The following CLNK variants were observed in gnomAD, a reference collection of about 807,000 sequenced individuals.
CLNK encodes the protein cytokine-dependent hematopoietic cell linker.
CLNK carries 74 observed loss-of-function variants against 68.6 expected under a neutral mutation model. The observed-to-expected ratio is 1.08, with a 90% CI of 0.89 to 1.31. CLNK has a LOEUF of 1.31. Ranked by LOEUF, CLNK falls within the 50% of genes most tolerant of loss-of-function variation. The pLI is 0.00. For missense variants in CLNK, 553 were observed against 515.3 expected (o/e 1.07, Z -0.71); for synonymous variants, 198 against 172.2 (o/e 1.15, Z -1.17).
intron 13 of CLNK, 149 bp downstream of exon 13, chr4:10,527,927 A>T: frequency 2.6e-6 from 1 of 380,094 alleles, no homozygotes; most frequent in Non-Finnish European, 4.7e-6. Flanking sequence ...ATGTGTGTGC[A>T]TCAGGATCAC....
chr4:10,602,972 C>T (rs895579552), intron 2 of CLNK, among the ~76,000 whole-genome samples: 19 of 152,182 alleles, frequency 1.2e-4, no homozygotes, highest in African/African-American at 4.1e-4. Context: ...AAGCCTACTC[C>T]GAGAGTTAAA....
intron 2 of CLNK, among the ~76,000 whole-genome samples, chr4:10,667,137 A>G (rs984961712): frequency 6.6e-6 from 1 of 152,200 alleles, no homozygotes; most frequent in Admixed American, 6.5e-5. Context: ...GTAAAATGAC[A>G]GGGCAAGGGA....
In CLNK at chr4:10,508,153, G is replaced by A. The variant is rs184917313; in HGVS notation, c.907-117C>T. On this transcript the variant is annotated intron_variant, in intron 16 of 18. Transcript: ENST00000226951. The stretch of plus-strand genomic sequence containing the variant: ...GTGCCTAATCATAGTGTAATCTGTA[G>A]TAGATATTCAGTACCTAACATTTAG... 3.9e-5 allele frequency: 28 copies of A among 718,390 alleles called. No individual in the cohort carries two copies. The East Asian group carries it at 7.7e-4, about 20-fold the overall frequency. The allele number at this position is 718,390 out of a possible 1,614,324, so 44.5% of individuals were successfully genotyped here. A position where few individuals can be genotyped will look rare whatever the true frequency, so the allele number is the denominator to read the frequency against.
intron 4 of CLNK, among the ~76,000 whole-genome samples, chr4:10,576,021 C>T (rs896772253): frequency 6.6e-6 from 1 of 152,206 alleles, no homozygotes; most frequent in African/African-American, 2.4e-5. Context: ...CGTCAGGCTC[C>T]TGATGGCTCC....
At chr4:10,655,851 G>A (rs1246278709) in intron 2 of CLNK, among the ~76,000 whole-genome samples, 1 of 151,748 alleles carries the variant, frequency 6.6e-6, no homozygotes, top group Non-Finnish European at 1.5e-5. Flanking sequence ...GGGTTTCACC[G>A]TGTTAGCCAG....
intron 11 of CLNK, among the ~76,000 whole-genome samples, chr4:10,536,990 A>G (rs1718784749): frequency 6.6e-6 from 1 of 152,146 alleles, no homozygotes. Flanking sequence ...TTTGTGGTGG[A>G]TGTATTCCTC....
intron 15 of CLNK, among the ~76,000 whole-genome samples, chr4:10,515,431 T>G (rs530382847): frequency 6.6e-6 from 1 of 152,182 alleles, no homozygotes; most frequent in African/African-American, 2.4e-5. Flanking sequence ...AAGTTCATTC[T>G]CTACTTTGGA....
At chr4:10,620,330 TCAGAGAGGTTTTG>T (rs1722388680) in intron 2 of CLNK, among the ~76,000 whole-genome samples, 2 of 152,176 alleles carry the variant, frequency 1.3e-5, no homozygotes. Context: ...TTTGTCCTTT[TCAGAGAGGTTTTG>T]TCACCCAGAG....
chr4:10,588,091 A>G (rs1050553809), intron 3 of CLNK, among the ~76,000 whole-genome samples: 7 of 152,216 alleles, frequency 4.6e-5, no homozygotes, highest in Admixed American at 4.6e-4. Context: ...AACTCATGAC[A>G]TGGGAAGTGG....
At chr4:10,672,003 A>T (rs1420821695) in intron 1 of CLNK, among the ~76,000 whole-genome samples, 1 of 152,148 alleles carries the variant, frequency 6.6e-6, no homozygotes, top group Non-Finnish European at 1.5e-5. Flanking sequence ...CTTAGGTCGT[A>T]AGTCAAATAC....
At chr4:10,710,923 C>T in the CLNK span, among the ~76,000 whole-genome samples, 1,472 of 152,234 alleles carry the variant, frequency 9.7e-3, 8 homozygotes, top group East Asian at 0.057. Context: ...GGTAGAAGAG[C>T]CTATTTGCTT....
chr4:10,727,581 TCTACACACC>T, the CLNK span, among the ~76,000 whole-genome samples: 1 of 152,172 alleles, frequency 6.6e-6, no homozygotes, highest in Admixed American at 6.5e-5. Context: ...AAATAAAGCA[TCTACACACC>T]CTATGGGCCT....
At chr4:10,531,969 A>G (rs1434821981) in intron 12 of CLNK, among the ~76,000 whole-genome samples, 2 of 152,238 alleles carry the variant, frequency 1.3e-5, no homozygotes, top group East Asian at 3.8e-4. Context: ...GCTGGAAGCC[A>G]TCAGTCGATA....
chr4:10,703,105 T>C, the CLNK span, among the ~76,000 whole-genome samples: 1 of 152,172 alleles, frequency 6.6e-6, no homozygotes, highest in East Asian at 1.9e-4. Context: ...AGATGTAGTA[T>C]GCACCCCAAA....
At chr4:10,517,187 A>G (rs533083047) in intron 15 of CLNK, among the ~76,000 whole-genome samples, 2 of 152,300 alleles carry the variant, frequency 1.3e-5, no homozygotes, top group Admixed American at 1.3e-4. Flanking sequence ...TATTAAAAAT[A>G]TTTAGGATAA....
chr4:10,573,072 G>T (rs7665577), intron 4 of CLNK, among the ~76,000 whole-genome samples: 111,972 of 152,038 alleles, frequency 0.74, 42,069 homozygotes, highest in East Asian at 0.85. Flanking sequence ...CAAATGATCC[G>T]CCTACCTTGG....
chr4:10,692,002 C>A, the CLNK span: 1 of 151,934 alleles, frequency 6.6e-6, no homozygotes, highest in Non-Finnish European at 1.5e-5. Flanking sequence ...GACTTTTCAA[C>A]TTTCTCATTC....
At chr4:10,712,512 G>T in the CLNK span, among the ~76,000 whole-genome samples, 1 of 152,106 alleles carries the variant, frequency 6.6e-6, no homozygotes, top group African/African-American at 2.4e-5. Context: ...GACAATAACA[G>T]CCCTTTCCTG....
At chr4:10,660,562 CT>C (rs1724157556) in intron 2 of CLNK, among the ~76,000 whole-genome samples, 1 of 152,136 alleles carries the variant, frequency 6.6e-6, no homozygotes, top group Admixed American at 6.5e-5. Context: ...ACATCAGAGC[CT>C]TTATTATTCT....
Sources: allele counts gnomAD v4.1 joint callset (sites outside exome capture counted in the v4.1 genomes callset), GRCh38; gene constraint gnomAD v4.1.1; transcripts MANE v1.5; gene names NCBI Gene and HGNC (gene_info 2026-07-23, HGNC 2026-07-21).